The following MCOLN3 variants were observed in gnomAD, a reference collection of about 807,000 sequenced individuals.
MCOLN3 encodes mucolipin-3.
MCOLN3 carries 62 observed loss-of-function variants against 69.4 expected under a neutral mutation model. The observed-to-expected ratio is 0.89, with a 90% CI of 0.73 to 1.10. The LOEUF (loss-of-function observed/expected upper bound fraction) is 1.10, where lower values mean the gene tolerates loss of function less well. Ranked by LOEUF, MCOLN3 falls within the 50% of genes least tolerant of loss-of-function variation. The pLI, the probability that MCOLN3 is intolerant of heterozygous loss-of-function variation, is 0.00. For synonymous variants in MCOLN3, 183 were observed against 217.0 expected, an observed-to-expected ratio of 0.84 and a Z score of 1.38; for missense variants, 564 against 656.4, an observed-to-expected ratio of 0.86 and a Z score of 1.54.
intron 2 of MCOLN3, among the ~76,000 whole-genome samples, chr1:85,044,767 G>A (rs1049245358): frequency 1.3e-5 from 2 of 152,074 alleles, no homozygotes; most frequent in African/African-American, 4.8e-5. Flanking sequence ...GAAATTCCCA[G>A]GAAACTAACT....
intron 6 of MCOLN3, among the ~76,000 whole-genome samples, chr1:85,030,757 A>G (rs1652466105): frequency 6.6e-6 from 1 of 152,230 alleles, no homozygotes; most frequent in Non-Finnish European, 1.5e-5. Flanking sequence ...TCCCATAGAT[A>G]AGAACAAAGA....
At chr1:85,048,242 C>T (rs1653490869) in intron 1 of MCOLN3, among the ~76,000 whole-genome samples, 154 bp downstream of exon 1, 1 of 152,008 alleles carries the variant, frequency 6.6e-6, no homozygotes, top group Admixed American at 6.6e-5. Context: ...CCAGCTCCAG[C>T]CCGCCTGCCC....
chr1:85,047,783 CT>C (rs1479121110), intron 1 of MCOLN3, among the ~76,000 whole-genome samples: 1 of 152,172 alleles, frequency 6.6e-6, no homozygotes, highest in East Asian at 1.9e-4. Flanking sequence ...AGGGTTGACA[CT>C]TTTGTTGGGT....
chr1:85,024,665 A>C (rs1416820437), intron 9 of MCOLN3: 4 of 152,184 alleles, frequency 2.6e-5, no homozygotes, highest in African/African-American at 9.7e-5. Context: ...TGAGGCAGAG[A>C]CGGTGAATGG....
intron 3 of MCOLN3, among the ~76,000 whole-genome samples, chr1:85,035,531 T>C (rs2102934477): frequency 6.6e-6 from 1 of 152,324 alleles, no homozygotes; most frequent in South Asian, 2.1e-4. Context: ...CAGTCAGTTG[T>C]TCAGGCCAAA....
chr1:85,021,710 T>C (rs1651946318), intron 11 of MCOLN3, among the ~76,000 whole-genome samples: 1 of 145,688 alleles, frequency 6.9e-6, no homozygotes, highest in South Asian at 2.3e-4. Flanking sequence ...TTTCAAATAT[T>C]TCTACAAGTT....
intron 2 of MCOLN3, among the ~76,000 whole-genome samples, chr1:85,042,140 T>C (rs1250413538): frequency 6.6e-6 from 1 of 152,224 alleles, no homozygotes; most frequent in Non-Finnish European, 1.5e-5. Flanking sequence ...TTCCAGGAAC[T>C]TTCCTCATAC....
intron 12 of MCOLN3, among the ~76,000 whole-genome samples, chr1:85,020,231 T>A (rs1190055944): frequency 6.6e-6 from 1 of 152,198 alleles, no homozygotes; most frequent in African/African-American, 2.4e-5. Context: ...CCTGAAATCT[T>A]GTTCAGTGAG....
chr1:85,040,372 T>G (rs1653000160), intron 3 of MCOLN3, among the ~76,000 whole-genome samples: 1 of 152,224 alleles, frequency 6.6e-6, no homozygotes, highest in African/African-American at 2.4e-5. Context: ...TAACCCAGTC[T>G]GGGAATGCTG....
chr1:85,019,364 A>G, intron 12 of MCOLN3, 107 bp from the exon 13 acceptor site: 1 of 1,094,578 alleles, frequency 9.1e-7, no homozygotes, highest in South Asian at 1.5e-5. Context: ...TTCTAGAGAG[A>G]TAGTATCGTT....
intron 11 of MCOLN3, 112 bp from the exon 12 acceptor site, chr1:85,021,388 T>G: frequency 4.8e-6 from 4 of 832,108 alleles, no homozygotes; most frequent in Non-Finnish European, 7.5e-6. Flanking sequence ...AAGCTACCAT[T>G]TTCAAACAAA....
intron 2 of MCOLN3, among the ~76,000 whole-genome samples, chr1:85,043,151 G>A (rs187645598): frequency 6.6e-6 from 1 of 152,230 alleles, no homozygotes; most frequent in East Asian, 1.9e-4. Flanking sequence ...TCCTGACTAT[G>A]ACAGGGTCCT....
intron 3 of MCOLN3, among the ~76,000 whole-genome samples, chr1:85,037,768 TTGGAACTAACTGG>T (rs1377204155): frequency 1.3e-5 from 2 of 152,040 alleles, no homozygotes; most frequent in African/African-American, 2.4e-5. Flanking sequence ...GAGATGATGG[TTGGAACTAACTGG>T]TGGAACTAAC....
At chr1:85,031,247 G>A (rs1042731651) in intron 6 of MCOLN3, among the ~76,000 whole-genome samples, 4 of 145,712 alleles carry the variant, frequency 2.7e-5, no homozygotes, top group Non-Finnish European at 4.5e-5. Flanking sequence ...CTCCAGCCTG[G>A]CAATGGAGCG....
chr1:85,039,763 T>C (rs972686172), intron 3 of MCOLN3, among the ~76,000 whole-genome samples: 1 of 152,164 alleles, frequency 6.6e-6, no homozygotes, highest in East Asian at 1.9e-4. Flanking sequence ...CTGGGCAACA[T>C]AGGGAGACCC....
chr1:85,045,441 T>C (rs948169035), intron 1 of MCOLN3, 79 bp from the exon 2 acceptor site: 3 of 1,158,252 alleles, frequency 2.6e-6, no homozygotes, highest in African/African-American at 3.1e-5. Flanking sequence ...TTCTTTAATA[T>C]TGCAAGGAGA....
At chr1:85,036,043 A>G (rs2102935135) in intron 3 of MCOLN3, among the ~76,000 whole-genome samples, 1 of 152,278 alleles carries the variant, frequency 6.6e-6, no homozygotes, top group South Asian at 2.1e-4. Context: ...TGTATTTCAC[A>G]GTACTTATAA....
At chr1:85,038,281 G>A (rs1652897145) in intron 3 of MCOLN3, among the ~76,000 whole-genome samples, 1 of 152,112 alleles carries the variant, frequency 6.6e-6, no homozygotes, top group Non-Finnish European at 1.5e-5. Context: ...GCTGGGTAGT[G>A]GAGGACATTT....
chr1:85,034,113 G>T lies in MCOLN3; in HGVS notation c.535C>A (p.Pro179Thr), dbSNP rs777432941. Residue 179 changes from proline to threonine, a missense_variant, in exon 4 of 13, where the codon CCA becomes ACA. By Grantham distance (38) the Pro-to-Thr change is conservative (BLOSUM62 -1). Coordinates refer to ENST00000370589, the MANE Select transcript of MCOLN3 (RefSeq NM_018298.11). Reference protein sequence around the residue: ...YPGNDTFDIDPEIETECFFVE... With the variant: ...YPGNDTFDIDTEIETECFFVE... ...AGAACATCACCAGTTTCAATTTCTG[G>T]ATCGATGTCAAAGGTATCATTTCCA... 2 of 1,614,124 alleles carry T rather than the reference G, an allele frequency of 1.2e-6. No individual in the cohort carries two copies. The highest frequency in any genetic ancestry group is 2.2e-5 in the South Asian group (2 of 91,056).
Sources: gnomAD v4.1 joint callset for allele counts (sites outside exome capture counted in the v4.1 genomes callset) on GRCh38, gnomAD v4.1.1 for gene constraint, MANE v1.5 for transcripts, NCBI Gene and HGNC (gene_info 2026-07-23, HGNC 2026-07-21) for gene names.